PARL: variants seen among roughly 807,000 people sequenced by gnomAD.
PARL encodes the protein presenilin-associated rhomboid-like protein, mitochondrial.
PARL carries 44 observed loss-of-function variants against 51.6 expected under a neutral mutation model. That is an observed-to-expected ratio of 0.85 (90% CI 0.67 to 1.10). PARL has a LOEUF of 1.10. PARL is among the 50% of genes least tolerant of loss of function. The probability of loss-of-function intolerance (pLI) is 0.00; values close to 1 mark genes in which losing one functional copy is unlikely to be tolerated. For missense variants in PARL, 441 were observed against 469.5 expected, an observed-to-expected ratio of 0.94 and a Z score of 0.56; for synonymous variants, 172 against 164.0, an observed-to-expected ratio of 1.05 and a Z score of -0.37.
intron 1 of PARL, 120 bp downstream of exon 1, chr3:183,884,602 T>G: frequency 2.1e-6 from 2 of 964,004 alleles, no homozygotes; most frequent in Non-Finnish European, 1.6e-6. Flanking sequence ...AAGGGGCAGG[T>G]AAGGTGAAGG....
rs1166023958 is a variant in PARL at position 183,866,763 on chromosome 3, A to G, written c.324T>C (p.Phe108=). ...LIKPLFFTVG[F]TGCAFGSAAI... ...CAGCTGATCCAAATGCACAGCCTGT[A>G]AACTATATAAAATTAGATATATTAC... Residue 108 remains phenylalanine (F), a splice_region_variant and synonymous_variant, in exon 3 of 10, where the codon TTT becomes TTC. Coordinates refer to ENST00000317096, the MANE Select transcript of PARL (RefSeq NM_018622.7). 8.2e-6 allele frequency: 13 copies of G among 1,584,608 alleles called. No homozygotes were observed. In the South Asian group the frequency reaches 1.2e-4, roughly 15 times the overall value.
intron 3 of PARL, among the ~76,000 whole-genome samples, chr3:183,866,275 A>C (rs1055357460): frequency 6.6e-6 from 1 of 152,224 alleles, no homozygotes; most frequent in Non-Finnish European, 1.5e-5. Context: ...AACAGTAATC[A>C]ATACTTACTG....
intron 1 of PARL, among the ~76,000 whole-genome samples, chr3:183,880,754 AC>A (rs1734347021): frequency 6.6e-6 from 1 of 152,132 alleles, no homozygotes; most frequent in Admixed American, 6.6e-5. Flanking sequence ...AGAAAAAGTT[AC>A]ACCAATATAT....
chr3:183,853,506 C>A (rs951906971), intron 4 of PARL, among the ~76,000 whole-genome samples: 1 of 152,066 alleles, frequency 6.6e-6, no homozygotes, highest in Non-Finnish European at 1.5e-5. Context: ...GAGCCGAGAT[C>A]GCTCCACTGC....
chr3:183,867,885 G>A lies in PARL; in HGVS notation c.301C>T (p.Pro101Ser). ...SPYPIRSLIK[P>S]LFFTVGFTGC... ...CTTACCCCAACAGTAAAAAATAAAG[G>A]TTTTATGAGACTCCTTATAGGATAG... Residue 101 changes from proline (P) to serine (S), a missense_variant, in exon 2 of 10, where the codon CCT (proline) becomes TCT (serine). Coordinates refer to ENST00000317096, the MANE Select transcript of PARL (RefSeq NM_018622.7). 1 of 1,612,840 alleles carries A rather than the reference G, an allele frequency of 6.2e-7. No homozygotes were observed. Among genetic ancestry groups the A allele is most frequent in the Non-Finnish European group, 8.5e-7 (1 of 1,179,280 alleles).
At chr3:183,841,142 T>C (rs1315705176) in intron 6 of PARL, among the ~76,000 whole-genome samples, 1 of 152,198 alleles carries the variant, frequency 6.6e-6, no homozygotes, top group Non-Finnish European at 1.5e-5. Flanking sequence ...GAAATCAGAA[T>C]ATCTGGGGTG....
At chr3:183,858,681 G>T (rs1489739765) in intron 4 of PARL, among the ~76,000 whole-genome samples, 1 of 152,090 alleles carries the variant, frequency 6.6e-6, no homozygotes, top group Non-Finnish European at 1.5e-5. Context: ...TATTCTCTCT[G>T]GGGGTTGCCT....
intron 1 of PARL, among the ~76,000 whole-genome samples, chr3:183,882,445 A>G (rs1734678571): frequency 6.7e-6 from 1 of 149,974 alleles, no homozygotes; most frequent in Non-Finnish European, 1.5e-5. Context: ...AAAGAGAGAG[A>G]CTATCATCTC....
intron 1 of PARL, among the ~76,000 whole-genome samples, chr3:183,870,671 T>G (rs1733086972): frequency 6.6e-6 from 1 of 152,128 alleles, no homozygotes; most frequent in Non-Finnish European, 1.5e-5. Context: ...TCCCTTGCTT[T>G]AAACCCCACA....
At chr3:183,872,517 T>C (rs1411490817) in intron 1 of PARL, among the ~76,000 whole-genome samples, 1 of 152,240 alleles carries the variant, frequency 6.6e-6, no homozygotes. Context: ...CAACCAATGG[T>C]ACTGTTGCTC....
intron 7 of PARL, 152 bp from the exon 8 acceptor site, chr3:183,833,977 C>A: frequency 5.8e-6 from 4 of 687,474 alleles, no homozygotes; most frequent in Non-Finnish European, 1.1e-5. Context: ...TACTTATGTC[C>A]CCAATAATAG....
Position 183,842,215 on chromosome 3 carries a change from G to A in PARL, c.757+83C>T, listed in dbSNP as rs973160496. The A allele has an allele frequency of 5.5e-6, 7 of 1,271,936 alleles. No homozygotes were observed. In the Admixed American group the frequency reaches 8.4e-5, roughly 15 times the overall value. 78.8% of individuals were successfully genotyped at this position (1,271,936 alleles called of 1,614,324 possible). ...TGAGCACTCACTACGTGTAGAATAT[G>A]GCAGTAATCATTCCCTTTGTCCGTT... On this transcript the variant is annotated intron_variant, in intron 6 of 9. Transcript: ENST00000317096.
intron 7 of PARL, among the ~76,000 whole-genome samples, chr3:183,836,296 T>C (rs1238521820): frequency 6.6e-6 from 1 of 150,710 alleles, no homozygotes; most frequent in Admixed American, 6.6e-5. Flanking sequence ...TTATTCTCCA[T>C]CTGTTAAAAA....
In PARL at chr3:183,884,810, A is replaced by G; in HGVS notation, c.37T>C (p.Cys13Arg). 1 of 1,596,098 alleles carries G rather than the reference A, an allele frequency of 6.3e-7. No individual in the cohort carries two copies. The highest frequency in any genetic ancestry group is 8.5e-7 in the Non-Finnish European group (1 of 1,178,280). The change falls in exon 1 of 10, where the codon TGC becomes CGC. Residue 13 changes from cysteine to arginine, a missense_variant. Physicochemically the swap from Cys to Arg is radical, Grantham distance 180. Coordinates refer to ENST00000317096, the MANE Select transcript of PARL (RefSeq NM_018622.7). ...WRGWAQRGWG[C>R]GQAWGASVGG... ...ACCGACGCACCCCACGCCTGGCCGC[A>G]GCCCCAGCCTCTCTGCGCCCAGCCT...
chr3:183,860,901 A>T (rs57604063), intron 4 of PARL, among the ~76,000 whole-genome samples: 34,370 of 148,016 alleles, frequency 0.23, 4,167 homozygotes, highest in East Asian at 0.46. Flanking sequence ...CTGCAACCTC[A>T]GCCTTCCAGG....
intron 6 of PARL, among the ~76,000 whole-genome samples, chr3:183,841,036 C>T (rs1168522478): frequency 2.6e-5 from 4 of 152,218 alleles, no homozygotes; most frequent in Admixed American, 6.5e-5. Context: ...CTGAGCGACA[C>T]GGTCATTCAC....
intron 6 of PARL, 45 bp downstream of exon 6, chr3:183,842,253 T>C (rs1729405381): frequency 6.3e-7 from 1 of 1,577,298 alleles, no homozygotes; most frequent in African/African-American, 1.3e-5. Flanking sequence ...GCAGATAGCT[T>C]AGAGTGCTTA....
intron 7 of PARL, among the ~76,000 whole-genome samples, chr3:183,834,174 G>A (rs1728286339): frequency 6.6e-6 from 1 of 152,188 alleles, no homozygotes; most frequent in African/African-American, 2.4e-5. Flanking sequence ...CAGAGGGAGT[G>A]GGCATGAATA....
intron 9 of PARL, 81 bp from the exon 10 acceptor site, chr3:183,829,790 G>C: frequency 8.6e-7 from 1 of 1,159,924 alleles, no homozygotes; most frequent in Middle Eastern, 1.9e-4. Context: ...ATCCCAAGTT[G>C]ACATTTTTAA....
Sources: gnomAD v4.1 joint callset for allele counts (sites outside exome capture counted in the v4.1 genomes callset) on GRCh38, gnomAD v4.1.1 for gene constraint, MANE v1.5 for transcripts, NCBI Gene and HGNC (gene_info 2026-07-23, HGNC 2026-07-21) for gene names.